Variants in CPA5 observed in about 807,000 individuals in gnomAD.
CPA5 encodes testicular tissue protein Li 32.
Under a neutral mutation model 52.2 loss-of-function variants are expected in CPA5, and 38 were observed. That is an observed-to-expected ratio of 0.73 (90% CI 0.56 to 0.95). The LOEUF (loss-of-function observed/expected upper bound fraction) is 0.95, where lower values mean the gene tolerates loss of function less well. Among genes scored for constraint, CPA5 ranks in the 40% least tolerant of loss-of-function variants. The pLI, the probability that CPA5 is intolerant of heterozygous loss-of-function variation, is 0.00. For missense variants in CPA5, 519 were observed against 566.7 expected, an observed-to-expected ratio of 0.92 and a Z score of 0.86; for synonymous variants, 198 against 213.7, an observed-to-expected ratio of 0.93 and a Z score of 0.64.
Position 130,363,516 on chromosome 7 carries a change from C to A in CPA5, c.838+7C>A, listed in dbSNP as rs2117432535. 1 of 1,575,398 alleles carries A rather than the reference C, an allele frequency of 6.3e-7. No individual in the cohort carries two copies. The highest frequency in any genetic ancestry group is 8.6e-7 in the Non-Finnish European group (1 of 1,159,096). On this transcript the variant is annotated splice_region_variant and intron_variant, in intron 10 of 12. Transcript: ENST00000474905. ...TGGAAGTCGGGTTTTGGAGGTATGG[C>A]AACCTGCTGTCCTGGGGCAGGGTTG...
Position 130,362,472 on chromosome 7 carries a change from G to A in CPA5, c.569G>A (p.Trp190Ter), listed in dbSNP as rs1554406973. ...STGGSRHPAI[W>*]IDTGIHSREW... ...GGAGGTTCTCGGCACCCAGCCATCT[G>A]GATTGACACTGGAATTCACTCCCGG... The change falls in exon 8 of 13, where the codon TGG (tryptophan) becomes TAG (stop). Residue 190 changes from tryptophan (W) to a stop codon, truncating the protein, a stop_gained. Coordinates refer to ENST00000474905, the MANE Select transcript of CPA5 (RefSeq NM_080385.5). LOFTEE classifies it high-confidence loss of function. The A allele has an allele frequency of 3.7e-6, 6 of 1,613,552 alleles. No individual in the cohort carries two copies. The highest frequency in any genetic ancestry group is 5.1e-6 in the Non-Finnish European group (6 of 1,179,622).
In CPA5 at chr7:130,361,246, TAAAAGCC is replaced by T; in HGVS notation, c.534+3_534+9del. On this transcript the variant is annotated splice_donor_5th_base_variant and intron_variant, in intron 7 of 12. Transcript: ENST00000474905. ...AACCAGTCCATTCTTGTCCTGAAGG[TAAAAGCC>T]CACAATGTCAACCTGTAGACTCTAC... 6.2e-7 allele frequency: 1 copy of T among 1,602,758 alleles called. No individual in the cohort carries two copies. Among genetic ancestry groups the T allele is most frequent in the Non-Finnish European group, 8.5e-7 (1 of 1,169,682 alleles).
intron 5 of CPA5, among the ~76,000 whole-genome samples, chr7:130,352,356 G>A (rs1187460248): frequency 6.9e-6 from 1 of 145,200 alleles, no homozygotes; most frequent in Non-Finnish European, 1.6e-5. Context: ...GGTCGCGGGG[G>A]CCGGGGATGG....
rs782250822 is a variant in CPA5, at chr7:130,363,508, A to G, written c.837A>G (p.Gly279=). The G allele has an allele frequency of 2.0e-5, 31 of 1,579,882 alleles. No homozygotes were observed. The highest frequency in any genetic ancestry group is 2.7e-5 in the African/African-American group (2 of 74,694). Residue 279 remains glycine, a splice_region_variant and synonymous_variant, in exon 10 of 13, where the codon GGA becomes GGG. Transcript: ENST00000474905. ...ACAGGAACTGGAAGTCGGGTTTTGG[A>G]GGTATGGCAACCTGCTGTCCTGGGG... ...DLNRNWKSGF[G]GNGSNSNPCS...
chr7:130,361,236 G>T lies in CPA5; in HGVS notation c.526G>T (p.Val176Phe). The stretch of plus-strand genomic sequence containing the variant: ...CAGCTTTGAAAACCAGTCCATTCTT[G>T]TCCTGAAGGTAAAAGCCCACAATGT... ...GNSFENQSIL[V>F]LKFSTGGSRH... Residue 176 changes from valine to phenylalanine, a missense_variant, in exon 7 of 13, where the codon GTC (valine) becomes TTC (phenylalanine). Transcript: ENST00000474905. The T allele has an allele frequency of 6.2e-7, 1 of 1,610,954 alleles. No individual in the cohort carries two copies. The highest frequency in any genetic ancestry group is 8.5e-7 in the Non-Finnish European group (1 of 1,177,152).
At chr7:130,357,813 T>C (rs1396602904) in intron 5 of CPA5, among the ~76,000 whole-genome samples, 2 of 152,200 alleles carry the variant, frequency 1.3e-5, no homozygotes, top group Admixed American at 6.5e-5. Flanking sequence ...GTTTTCATCA[T>C]TGTAAAAATC....
intron 5 of CPA5, among the ~76,000 whole-genome samples, chr7:130,358,618 A>T (rs569408272): frequency 2.0e-5 from 3 of 152,288 alleles, no homozygotes; most frequent in African/African-American, 7.2e-5. Context: ...CGCGTTAATG[A>T]GGATGCTTTC....
At chr7:130,358,424 T>C (rs1346626764) in intron 5 of CPA5, among the ~76,000 whole-genome samples, 3 of 152,186 alleles carry the variant, frequency 2.0e-5, no homozygotes, top group Non-Finnish European at 4.4e-5. Flanking sequence ...ATTAAGTCCC[T>C]TTACCACTCC....
chr7:130,346,540 C>G lies in CPA5; in HGVS notation c.55C>G (p.Arg19Gly). 1 of 1,614,012 alleles carries G rather than the reference C, an allele frequency of 6.2e-7. No individual in the cohort carries two copies. The highest frequency in any genetic ancestry group is 1.7e-5 in the Admixed American group (1 of 60,016). Residue 19 changes from arginine (R) to glycine (G), a missense_variant, in exon 3 of 13, where the codon CGG becomes GGG. Arg to Gly is a moderately radical substitution (Grantham distance 125, BLOSUM62 -2). Coordinates refer to ENST00000474905, the MANE Select transcript of CPA5 (RefSeq NM_080385.5). The stretch of plus-strand genomic sequence containing the variant: ...CCCTGGGCCATCCCCCGTGGACAGG[C>G]GGACACTCCTGGTCTTCAGCTTTAT... ...TRPGPSPVDR[R>G]TLLVFSFILA...
chr7:130,372,334 C>T (rs1249080674), downstream of CPA5, among the ~76,000 whole-genome samples: 2 of 152,192 alleles, frequency 1.3e-5, no homozygotes, highest in African/African-American at 4.8e-5. Context: ...TTCTTCTCAG[C>T]CTAGTAAAAT....
downstream of CPA5, among the ~76,000 whole-genome samples, chr7:130,371,491 T>G (rs1044426315): frequency 3.9e-5 from 6 of 152,022 alleles, no homozygotes; most frequent in Non-Finnish European, 7.3e-5. Context: ...GAACTTGTTC[T>G]CACAGCCAGC....
chr7:130,356,497 C>G (rs1302965862), intron 5 of CPA5, among the ~76,000 whole-genome samples: 1 of 152,232 alleles, frequency 6.6e-6, no homozygotes, highest in Non-Finnish European at 1.5e-5. Flanking sequence ...TCCCCCAGCC[C>G]CAGGAATGGA....
chr7:130,372,059 C>T (rs1554409986), downstream of CPA5, among the ~76,000 whole-genome samples: 2 of 152,230 alleles, frequency 1.3e-5, no homozygotes, highest in Admixed American at 1.3e-4. Flanking sequence ...CTCTCTCCCC[C>T]TTCAATATCC....
At position 130,368,584 on chromosome 7, in the gene CPA5, A is replaced by G. The variant is rs1796232535; in HGVS notation, c.1298A>G (p.Asn433Ser). The change falls in exon 13 of 13, where the codon AAT becomes AGT. Residue 433 changes from asparagine to serine, a missense_variant. Coordinates refer to ENST00000474905, the MANE Select transcript of CPA5 (RefSeq NM_080385.5). ...CGGACCATCATGGAGCACACCCTGA[A>G]TCACCCCTACTAGCAGCACGACTGA... Reference protein sequence around the residue: ...ALRTIMEHTLNHPY With the variant: ...ALRTIMEHTLSHPY The G allele has an allele frequency of 2.5e-6, 4 of 1,613,992 alleles. No homozygotes were observed. Among genetic ancestry groups the G allele is most frequent in the Non-Finnish European group, 3.4e-6 (4 of 1,179,996 alleles).
At chr7:130,361,928 C>T (rs1795813722) in intron 7 of CPA5, among the ~76,000 whole-genome samples, 1 of 152,192 alleles carries the variant, frequency 6.6e-6, no homozygotes, top group Non-Finnish European at 1.5e-5. Context: ...AGTGGACCCA[C>T]CTAACTTGGG....
chr7:130,368,704 A>G lies in CPA5; in HGVS notation c.*107A>G. The G allele has an allele frequency of 1.7e-6, 2 of 1,186,190 alleles. No individual in the cohort carries two copies. Among genetic ancestry groups the G allele is most frequent in the Non-Finnish European group, 2.4e-6 (2 of 828,056 alleles). The allele number at this position is 1,186,190 out of a possible 1,614,324, so 73.5% of individuals were successfully genotyped here. On this transcript the variant is annotated 3_prime_UTR_variant, in exon 13 of 13. Coordinates refer to ENST00000474905, the MANE Select transcript of CPA5 (RefSeq NM_080385.5). Reference sequence around the variant, plus strand: ...CCCCATGCCCTCATCCCGACCTCTTAGAAAATAAATACAAGTTTGAACAGG... The same window carrying G: ...CCCCATGCCCTCATCCCGACCTCTTGGAAAATAAATACAAGTTTGAACAGG...
Position 130,367,526 on chromosome 7 carries a change from C to A in CPA5, c.993C>A (p.Tyr331Ter). Residue 331 changes from tyrosine (Y) to a stop codon, truncating the protein, a stop_gained, in exon 11 of 13, where the codon TAC (tyrosine) becomes TAA (stop). Transcript: ENST00000474905. LOFTEE classifies it high-confidence loss of function. ...SIHSYSQMLM[Y>*]PYGRLLEPVS... is the part of the protein sequence containing the mutation. ...ACAGCTACTCTCAGATGCTTATGTA[C>A]CCTTACGGCCGATTGCTGGAGCCCG... 1 of 1,614,108 alleles carries A rather than the reference C, an allele frequency of 6.2e-7. No homozygotes were observed. The highest frequency in any genetic ancestry group is 1.1e-5 in the South Asian group (1 of 91,068).
rs193268800 is a variant in CPA5 at position 130,351,100 on chromosome 7, G to A, written c.333+991G>A. 4.6e-5 allele frequency among the ~76,000 whole-genome samples: 7 copies of A among 152,306 alleles called. No individual in the cohort carries two copies. The East Asian group carries it at 9.6e-4, about 21-fold the overall frequency. On this transcript the variant is annotated intron_variant, in intron 5 of 12. Transcript: ENST00000474905. ...ATCAGGCAGCATTCCGTTCCCATGC[G>A]AGCACAGGGCTGGGGAACTTTGGTC...
At chr7:130,350,684 C>G (rs1795081752) in intron 5 of CPA5, among the ~76,000 whole-genome samples, 1 of 152,238 alleles carries the variant, frequency 6.6e-6, no homozygotes, top group Non-Finnish European at 1.5e-5. Context: ...TTGGGAGAAG[C>G]AGCTACAGAC....
Sources: gnomAD v4.1 joint callset for allele counts (sites outside exome capture counted in the v4.1 genomes callset) on GRCh38, gnomAD v4.1.1 for gene constraint, MANE v1.5 for transcripts, NCBI Gene and HGNC (gene_info 2026-07-23, HGNC 2026-07-21) for gene names.